MYO5B: variants seen among roughly 807,000 people sequenced by gnomAD.
MYO5B encodes the protein myosin VB, also known as unconventional myosin-Vb.
Under a neutral mutation model 229.3 loss-of-function variants are expected in MYO5B, and 143 were observed. That is an observed-to-expected ratio of 0.62 (90% confidence interval 0.54 to 0.72). The LOEUF (loss-of-function observed/expected upper bound fraction) is 0.72, where lower values mean the gene tolerates loss of function less well. Ranked by LOEUF, MYO5B falls within the 30% of genes least tolerant of loss-of-function variation. The pLI, the probability that MYO5B is intolerant of heterozygous loss-of-function variation, is 0.00. For synonymous variants in MYO5B, 918 were observed against 885.2 expected (o/e 1.04, Z -0.66); for missense variants, 2,321 against 2,331.0 (o/e 1.00, Z 0.09).
chr18:49,839,421 G>C, intron 35 of MYO5B, 127 bp from the exon 36 acceptor site: 1 of 1,029,732 alleles, frequency 9.7e-7, no homozygotes, highest in Non-Finnish European at 1.5e-6. Context: ...TCCCTATGTA[G>C]ATGATGTTTT....
chr18:49,962,908 C>T (rs745780827), intron 11 of MYO5B, 41 bp downstream of exon 11: 4 of 1,538,618 alleles, frequency 2.6e-6, no homozygotes, highest in East Asian at 4.5e-5. Flanking sequence ...CAGAGGAGTC[C>T]CCCCAATCCT....
Position 49,964,240 on chromosome 18 carries a change from G to A in MYO5B, c.1323-1210C>T, listed in dbSNP as rs189022231. Among the ~76,000 whole-genome samples, 592 of 152,278 alleles carry A rather than the reference G, an allele frequency of 3.9e-3. 2 individuals carry two copies. The highest frequency in any genetic ancestry group is 7.0e-3 in the Non-Finnish European group (473 of 68,022). ...CCCCACCTCCAGCCTCACAATGTAC[G>A]AAAGTGTCTTGTTCTTCTAATACTG... On this transcript the variant is annotated intron_variant, in intron 10 of 39. Transcript: ENST00000285039.
At chr18:49,975,827 T>A (rs2144284974) in intron 9 of MYO5B, among the ~76,000 whole-genome samples, 1 of 152,318 alleles carries the variant, frequency 6.6e-6, no homozygotes, top group Non-Finnish European at 1.5e-5. Context: ...CTGCCCGATG[T>A]ATCTCCTGCC....
chr18:49,952,057 A>T (rs2025436451), intron 14 of MYO5B, among the ~76,000 whole-genome samples: 1 of 152,166 alleles, frequency 6.6e-6, no homozygotes, highest in African/African-American at 2.4e-5. Context: ...ATATCCAGAG[A>T]TCACACTGGG....
chr18:50,141,289 T>C (rs1302778007), intron 1 of MYO5B, among the ~76,000 whole-genome samples: 1 of 152,224 alleles, frequency 6.6e-6, no homozygotes, highest in Non-Finnish European at 1.5e-5. Flanking sequence ...AAAGTTACCA[T>C]CCTTTTCCTA....
At chr18:50,082,378 T>C (rs1396029509) in intron 1 of MYO5B, among the ~76,000 whole-genome samples, 1 of 152,230 alleles carries the variant, frequency 6.6e-6, no homozygotes, top group Non-Finnish European at 1.5e-5. Context: ...AGATTGTTTC[T>C]AGTGAAAAAA....
chr18:49,929,695 G>T, intron 16 of MYO5B, 97 bp from the exon 17 acceptor site: 2 of 1,057,684 alleles, frequency 1.9e-6, no homozygotes, highest in Non-Finnish European at 2.8e-6. Context: ...TGCAGCATGT[G>T]AAGTACCTGC....
chr18:49,914,860 G>T (rs2144167133), intron 17 of MYO5B, among the ~76,000 whole-genome samples: 1 of 152,142 alleles, frequency 6.6e-6, no homozygotes, highest in South Asian at 2.1e-4. Context: ...TTCAGCTGCA[G>T]CATGGTGGGC....
At chr18:50,183,901 A>G (rs1244543607) in intron 1 of MYO5B, among the ~76,000 whole-genome samples, 3 of 152,122 alleles carry the variant, frequency 2.0e-5, no homozygotes, top group Non-Finnish European at 4.4e-5. Flanking sequence ...TTGTTATGAC[A>G]GGATGTCCCT....
chr18:49,929,164 T>C (rs2025161638), intron 17 of MYO5B, among the ~76,000 whole-genome samples: 2 of 152,280 alleles, frequency 1.3e-5, no homozygotes, highest in Middle Eastern at 3.4e-3. Flanking sequence ...ATTTTCCTTC[T>C]GTTAGAAAGG....
intron 18 of MYO5B, among the ~76,000 whole-genome samples, chr18:49,908,821 G>T (rs1464101779): frequency 1.3e-5 from 2 of 152,168 alleles, no homozygotes; most frequent in Non-Finnish European, 2.9e-5. Flanking sequence ...AGAGTACAAA[G>T]AATTCAGTAT....
At chr18:50,028,857 T>C (rs761756531) in intron 4 of MYO5B, among the ~76,000 whole-genome samples, 5 of 152,236 alleles carry the variant, frequency 3.3e-5, no homozygotes, top group African/African-American at 4.8e-5. Flanking sequence ...CTTAGCTTTG[T>C]GATTTCAAGT....
chr18:50,080,621 G>A (rs963364501), intron 1 of MYO5B, among the ~76,000 whole-genome samples: 15 of 152,190 alleles, frequency 9.9e-5, no homozygotes, highest in African/African-American at 3.6e-4. Context: ...GTTTGAGTTA[G>A]ATGATGACAA....
At chr18:49,833,512 T>G (rs897637571) in intron 39 of MYO5B, among the ~76,000 whole-genome samples, 1 of 152,086 alleles carries the variant, frequency 6.6e-6, no homozygotes, top group Admixed American at 6.5e-5. Context: ...AGAATCTGAC[T>G]GTACATATTT....
chr18:50,166,039 A>G (rs1459697531), intron 1 of MYO5B, among the ~76,000 whole-genome samples: 1 of 152,206 alleles, frequency 6.6e-6, no homozygotes, highest in East Asian at 1.9e-4. Flanking sequence ...GGCAACTCAT[A>G]CAAAACCTTG....
chr18:49,995,632 TA>T (rs1364939939), intron 5 of MYO5B, among the ~76,000 whole-genome samples: 1 of 152,170 alleles, frequency 6.6e-6, no homozygotes, highest in African/African-American at 2.4e-5. Context: ...AATAAAGCCT[TA>T]AACATCTACT....
chr18:50,057,473 A>C (rs1343601547), intron 1 of MYO5B, among the ~76,000 whole-genome samples: 1 of 152,148 alleles, frequency 6.6e-6, no homozygotes, highest in Non-Finnish European at 1.5e-5. Context: ...TGTTGTGTAG[A>C]TCCTGGAAGC....
chr18:50,139,648 G>A (rs1371489920), intron 1 of MYO5B, among the ~76,000 whole-genome samples: 5 of 152,114 alleles, frequency 3.3e-5, no homozygotes, highest in Non-Finnish European at 1.5e-5. Context: ...CACACTGCCT[G>A]GCAAGCCACT....
At chr18:49,887,636 T>G (rs1420596147) in intron 22 of MYO5B, among the ~76,000 whole-genome samples, 2 of 152,168 alleles carry the variant, frequency 1.3e-5, no homozygotes, top group African/African-American at 4.8e-5. Context: ...ACTATAGAAC[T>G]GTGAGTCAAT....
Sources: allele counts gnomAD v4.1 joint callset (sites outside exome capture counted in the v4.1 genomes callset), GRCh38; gene constraint gnomAD v4.1.1; transcripts MANE v1.5; gene names NCBI Gene and HGNC (gene_info 2026-07-23, HGNC 2026-07-21).